Variants in CSMD1 observed in about 807,000 individuals in gnomAD.
The protein encoded by CSMD1 is CUB and sushi domain-containing protein 1.
In CSMD1, 213 loss-of-function variants were observed where a neutral mutation model predicts 417.5. That is an observed-to-expected ratio of 0.51 (90% CI 0.46 to 0.57). CSMD1 has a LOEUF of 0.57. CSMD1 is among the 20% of genes least tolerant of loss of function. CSMD1 has a pLI of 0.00. For missense variants in CSMD1, 6,923 were observed against 4,529.7 expected (o/e 1.53, Z -15.17); for synonymous variants, 2,862 against 1,736.8 (o/e 1.65, Z -16.11).
intron 12 of CSMD1, among the ~76,000 whole-genome samples, chr8:3,427,370 A>G (rs77124180): frequency 6.6e-6 from 1 of 152,168 alleles, no homozygotes; most frequent in Non-Finnish European, 1.5e-5. Flanking sequence ...AACTTCTCAT[A>G]AAAAGATGGT....
rs114666858 is a variant in CSMD1, at chr8:3,920,146, G to A, written c.818+77757C>T. 3.0e-3 allele frequency among the ~76,000 whole-genome samples: 449 copies of A among 152,042 alleles called. 2 individuals are homozygous for A. The highest frequency in any genetic ancestry group is 0.01 in the African/African-American group (426 of 41,456). On this transcript the variant is annotated intron_variant, in intron 5 of 69. Coordinates refer to ENST00000635120, the MANE Select transcript of CSMD1 (RefSeq NM_033225.6). ...CTTTCCACACTCAGGTGATCTTCCT[G>A]CCTTAGTCTTCTGAGAAGCTGGGAC...
Position 3,307,685 on chromosome 8 carries a change from A to C in CSMD1, c.3950+10T>G, listed in dbSNP as rs10103770. On this transcript the variant is annotated intron_variant, in intron 25 of 69. Coordinates refer to ENST00000635120, the MANE Select transcript of CSMD1 (RefSeq NM_033225.6). ...TTCTCAAATCACTGAAACCAAAATA[A>C]AACAAGTACCTAATGGTCTTTCCTG... 1.9e-6 allele frequency: 3 copies of C among 1,611,264 alleles called. No individual in the cohort carries two copies. Among genetic ancestry groups the C allele is most frequent in the Admixed American group, 1.7e-5 (1 of 59,642 alleles).
At chr8:3,948,673 G>T (rs1032830518) in intron 5 of CSMD1, among the ~76,000 whole-genome samples, 6 of 152,036 alleles carry the variant, frequency 3.9e-5, no homozygotes, top group Admixed American at 3.9e-4. Context: ...ATAATGGAAG[G>T]ACCAATGAGT....
intron 1 of CSMD1, among the ~76,000 whole-genome samples, chr8:4,718,477 A>G (rs994427299): frequency 1.3e-5 from 2 of 152,180 alleles, no homozygotes; most frequent in African/African-American, 2.4e-5. Flanking sequence ...TGAAGACAGG[A>G]ACTAGAAAAG....
chr8:3,559,701 T>A (rs1799388070), intron 10 of CSMD1, among the ~76,000 whole-genome samples: 1 of 152,190 alleles, frequency 6.6e-6, no homozygotes, highest in African/African-American at 2.4e-5. Context: ...TTTAAAATAA[T>A]GATCACATAT....
chr8:4,562,634 G>A (rs558359349), intron 2 of CSMD1, among the ~76,000 whole-genome samples: 1 of 152,108 alleles, frequency 6.6e-6, no homozygotes, highest in Non-Finnish European at 1.5e-5. Context: ...GGACACATCA[G>A]AAATGTCAGA....
In CSMD1 at chr8:4,155,936, T is replaced by G. The variant is rs978312218; in HGVS notation, c.416-123837A>C. The stretch of plus-strand genomic sequence containing the variant: ...GCTTTTGAGGAATGCACAGCCCAGG[T>G]GTTCTGCAGCTGCACATTTTAATCA... On this transcript the variant is annotated intron_variant, in intron 3 of 69. Coordinates refer to ENST00000635120, the MANE Select transcript of CSMD1 (RefSeq NM_033225.6). Among the ~76,000 whole-genome samples the G allele has an allele frequency of 2.6e-5, 4 of 152,124 alleles. 1 individual carries two copies. The South Asian group carries it at 6.2e-4, about 24-fold the overall frequency.
At chr8:4,204,207 G>T (rs1472943410) in intron 3 of CSMD1, among the ~76,000 whole-genome samples, 1 of 151,938 alleles carries the variant, frequency 6.6e-6, no homozygotes, top group African/African-American at 2.4e-5. Context: ...GAATTTCAAA[G>T]TGGTTTTTCA....
chr8:3,383,482 C>A (rs536001114), intron 18 of CSMD1, among the ~76,000 whole-genome samples: 2 of 151,916 alleles, frequency 1.3e-5, no homozygotes, highest in Non-Finnish European at 2.9e-5. Flanking sequence ...TGGAGGGAAG[C>A]CTTCTTCCAC....
intron 3 of CSMD1, among the ~76,000 whole-genome samples, chr8:4,401,342 C>G (rs1045305884): frequency 3.9e-5 from 6 of 152,086 alleles, no homozygotes; most frequent in African/African-American, 1.4e-4. Context: ...CCAATCAAAC[C>G]CACACGTATT....
intron 8 of CSMD1, among the ~76,000 whole-genome samples, chr8:3,600,801 A>G (rs932278154): frequency 6.6e-6 from 1 of 151,680 alleles, no homozygotes; most frequent in African/African-American, 2.4e-5. Context: ...ATGTTTTGTA[A>G]CATTCATATG....
chr8:4,432,658 A>T (rs1205496222), intron 2 of CSMD1, among the ~76,000 whole-genome samples: 11 of 152,174 alleles, frequency 7.2e-5, no homozygotes, highest in Non-Finnish European at 1.3e-4. Context: ...ATGCAGGTGG[A>T]GAGCAGGAGA....
chr8:3,286,621 T>G (rs1217899770), intron 25 of CSMD1, among the ~76,000 whole-genome samples: 2 of 151,744 alleles, frequency 1.3e-5, no homozygotes, highest in East Asian at 3.8e-4. Flanking sequence ...TGCATAAATG[T>G]CTTCTTTTGA....
intron 1 of CSMD1, among the ~76,000 whole-genome samples, chr8:4,695,756 T>C (rs915425932): frequency 1.3e-5 from 2 of 152,232 alleles, no homozygotes; most frequent in African/African-American, 4.8e-5. Flanking sequence ...TAGACAAATT[T>C]ATTGTGATAT....
chr8:3,815,626 C>CT (rs5888995), intron 5 of CSMD1, among the ~76,000 whole-genome samples: 6,031 of 146,396 alleles, frequency 0.041, 184 homozygotes, highest in African/African-American at 0.077. Flanking sequence ...GCTAGACTTT[C>CT]TTTTTTTTTT....
intron 3 of CSMD1, among the ~76,000 whole-genome samples, chr8:4,039,128 C>A (rs556162227): frequency 6.6e-6 from 1 of 152,144 alleles, no homozygotes; most frequent in African/African-American, 2.4e-5. Context: ...ATCAAAGCAA[C>A]GGCAGCATTT....
At chr8:3,915,298 C>A (rs753706963) in intron 5 of CSMD1, among the ~76,000 whole-genome samples, 1 of 149,654 alleles carries the variant, frequency 6.7e-6, no homozygotes, top group Non-Finnish European at 1.5e-5. Flanking sequence ...CTCAGCTATT[C>A]AGGAGTCTAA....
intron 10 of CSMD1, among the ~76,000 whole-genome samples, chr8:3,555,512 C>A (rs944254272): frequency 6.6e-6 from 1 of 152,138 alleles, no homozygotes; most frequent in Non-Finnish European, 1.5e-5. Flanking sequence ...ATGCACTGAG[C>A]CCCATTTGCA....
intron 3 of CSMD1, among the ~76,000 whole-genome samples, chr8:4,148,222 G>A (rs899359010): frequency 1.5e-4 from 23 of 151,308 alleles, no homozygotes; most frequent in African/African-American, 5.6e-4. Context: ...GCTATAGACT[G>A]GGCAACTTTA....
Sources: gnomAD v4.1 joint callset for allele counts (sites outside exome capture counted in the v4.1 genomes callset) on GRCh38, gnomAD v4.1.1 for gene constraint, MANE v1.5 for transcripts, NCBI Gene and HGNC (gene_info 2026-07-23, HGNC 2026-07-21) for gene names.